The following CLPTM1 variants were observed in gnomAD, a reference collection of about 807,000 sequenced individuals.
CLPTM1 encodes putative lipid scramblase CLPTM1.
CLPTM1 carries 21 observed loss-of-function variants against 77.3 expected under a neutral mutation model. That is an observed-to-expected ratio of 0.27 (90% CI 0.19 to 0.39). CLPTM1 has a LOEUF of 0.39. Among genes scored for constraint, CLPTM1 ranks in the 10% least tolerant of loss-of-function variants. The probability of loss-of-function intolerance (pLI) is 1.00; values close to 1 mark genes in which losing one functional copy is unlikely to be tolerated. For missense variants in CLPTM1, 642 were observed against 921.2 expected (o/e 0.70, Z 3.92); for synonymous variants, 373 against 381.0 (o/e 0.98, Z 0.24).
chr19:44,965,587 G>A (rs1266866360), intron 2 of CLPTM1, among the ~76,000 whole-genome samples: 2 of 152,126 alleles, frequency 1.3e-5, no homozygotes, highest in East Asian at 3.9e-4. Context: ...GCCAAGGCAA[G>A]CAGATCACGA....
At chr19:44,964,629 G>T (rs532141179) in intron 2 of CLPTM1, among the ~76,000 whole-genome samples, 1 of 152,186 alleles carries the variant, frequency 6.6e-6, no homozygotes, top group South Asian at 2.1e-4. Context: ...CCATTTTTAA[G>T]TATGTAGTCC....
intron 1 of CLPTM1, among the ~76,000 whole-genome samples, chr19:44,956,885 T>G (rs549051772): frequency 6.6e-6 from 1 of 152,330 alleles, no homozygotes; most frequent in South Asian, 2.1e-4. Flanking sequence ...ATCCGACACT[T>G]TTCTTCAGAC....
At position 44,959,923 on chromosome 19, in the gene CLPTM1, A is replaced by G. The variant is rs78404081; in HGVS notation, c.73-2040A>G. 2.6e-3 allele frequency among the ~76,000 whole-genome samples: 395 copies of G among 152,298 alleles called. 4 individuals carry two copies. The East Asian group carries it at 0.028, about 11-fold the overall frequency. ...CCTTTCCGTGGGAAGGTTCCCAGCC[A>G]GATTGCCCATCACTAACGGGTAAGC... On this transcript the variant is annotated intron_variant, in intron 1 of 13. Transcript: ENST00000337392.
chr19:44,955,570 C>T (rs1970449560), intron 1 of CLPTM1, 103 bp downstream of exon 1: 1 of 1,126,036 alleles, frequency 8.9e-7, no homozygotes, highest in Non-Finnish European at 1.1e-6. Flanking sequence ...ACTGGGGGCT[C>T]CTTGGCCAGA....
rs543501743 is a variant in CLPTM1 at position 44,990,660 on chromosome 19, G to A, written c.1323+75G>A. On this transcript the variant is annotated intron_variant, in intron 10 of 13. Transcript: ENST00000337392. The surrounding 1 kb of genome is among the most constrained non-coding windows in gnomAD (Gnocchi z 4.8). ...GGTAGTGTGGCCCAGCTGGACCCTG[G>A]AGCTGGCCCCCGGGGGATTCCCAGC... 2.9e-4 allele frequency: 441 copies of A among 1,522,258 alleles called. 2 individuals carry two copies. In the South Asian group the frequency reaches 3.3e-3, roughly 12 times the overall value. 94.3% of individuals were successfully genotyped at this position (1,522,258 alleles called of 1,614,324 possible).
Position 44,961,983 on chromosome 19 carries a change from C to T in CLPTM1, c.93C>T (p.Ile31=), listed in dbSNP as rs773035507. 15 of 1,606,996 alleles carry T rather than the reference C, an allele frequency of 9.3e-6. No homozygotes were observed. The highest frequency in any genetic ancestry group is 1.7e-4 in the Middle Eastern group (1 of 6,048). ...CACAGGTGACCAGCAATGGCAGCAT[C>T]GGGAGGGACCCGCCAGCGGAGACCC... The part of the protein sequence containing the change: ...SSGQVTSNGS[I]GRDPPAETQP... The change falls in exon 2 of 14, where the codon ATC becomes ATT. Residue 31 remains isoleucine (I), a synonymous_variant. Transcript: ENST00000337392.
intron 2 of CLPTM1, among the ~76,000 whole-genome samples, 188 bp from the exon 3 acceptor site, chr19:44,972,899 C>T (rs1970744079): frequency 6.6e-6 from 1 of 152,082 alleles, no homozygotes; most frequent in African/African-American, 2.4e-5. Context: ...GGGCTCCCTC[C>T]CCAGATGTGG....
At position 44,993,020 on chromosome 19, in the gene CLPTM1, C is replaced by A. The variant is rs1281123418; in HGVS notation, c.*123C>A. 8.0e-7 allele frequency: 1 copy of A among 1,256,180 alleles called. No individual in the cohort carries two copies. The highest frequency in any genetic ancestry group is 1.1e-6 in the Non-Finnish European group (1 of 888,068). 77.8% of individuals were successfully genotyped at this position (1,256,180 alleles called of 1,614,324 possible). A position where few individuals can be genotyped will look rare whatever the true frequency, so the allele number is the denominator to read the frequency against. ...TCAGGCCGGGGCGGTGGGAGGCCCG[C>A]CTCAGGTCAGGGCCCAGCGTGTGAT... On this transcript the variant is annotated 3_prime_UTR_variant, in exon 14 of 14. Transcript: ENST00000337392.
chr19:44,971,364 A>G (rs1970715349), intron 2 of CLPTM1, among the ~76,000 whole-genome samples: 1 of 152,080 alleles, frequency 6.6e-6, no homozygotes, highest in Non-Finnish European at 1.5e-5. Flanking sequence ...TTAGTGTATT[A>G]ATTTTATCAA....
chr19:44,971,012 G>T (rs1038626722), intron 2 of CLPTM1, among the ~76,000 whole-genome samples: 1 of 149,642 alleles, frequency 6.7e-6, no homozygotes, highest in Non-Finnish European at 1.5e-5. Context: ...TGTATTTTTA[G>T]TAGAGATGGG....
At chr19:44,958,223 C>T (rs947409521) in intron 1 of CLPTM1, among the ~76,000 whole-genome samples, 3 of 151,894 alleles carry the variant, frequency 2.0e-5, no homozygotes, top group Non-Finnish European at 4.4e-5. Flanking sequence ...TGCGAAGGCC[C>T]TAAAGTGGGA....
chr19:44,955,600 C>A, intron 1 of CLPTM1, 133 bp downstream of exon 1: 1 of 934,164 alleles, frequency 1.1e-6, no homozygotes, highest in Non-Finnish European at 1.4e-6. Context: ...AATACCCGGC[C>A]CAGGCAGGGC....
At position 44,974,588 on chromosome 19, in the gene CLPTM1, T is replaced by G. The variant is rs1271685356; in HGVS notation, c.459T>G (p.Asp153Glu). 6.2e-7 allele frequency: 1 copy of G among 1,613,994 alleles called. No individual in the cohort carries two copies. The highest frequency in any genetic ancestry group is 2.2e-5 in the East Asian group (1 of 44,864). The change falls in exon 4 of 14, where the codon GAT becomes GAG. Residue 153 changes from aspartate (D) to glutamate (E), a missense_variant. Coordinates refer to ENST00000337392, the MANE Select transcript of CLPTM1 (RefSeq NM_001294.4). ...GCTACGAGCACTTTGCTGAGCTCGA[T>G]ATCCCACAGGTGGGGGCAGCTCTCG... ...DGCYEHFAEL[D>E]IPQSVQQNGS...
At chr19:44,972,068 A>C (rs965655468) in intron 2 of CLPTM1, among the ~76,000 whole-genome samples, 1 of 151,270 alleles carries the variant, frequency 6.6e-6, no homozygotes, top group Non-Finnish European at 1.5e-5. Context: ...ACAGGGTTTC[A>C]CCATGTTGGC....
Position 44,991,314 on chromosome 19 carries a change from A to T in CLPTM1, c.1496A>T (p.Glu499Val). Residue 499 changes from glutamate (E) to valine (V), a missense_variant, in exon 12 of 14, where the codon GAG becomes GTG. By Grantham distance (121) the Glu-to-Val change is moderately radical. This residue lies in a region of CLPTM1 where 521 missense variants were observed against 800.4 expected (regional missense o/e 0.65). Coordinates refer to ENST00000337392, the MANE Select transcript of CLPTM1 (RefSeq NM_001294.4). This position sits in a 1 kb window ranked among gnomAD's most constrained non-coding sequence, Gnocchi z 5.4. ...GCCGTCTACAGTCTTCTGTACCTGG[A>T]GCACAAGGGCTGGTACTCCTGGGTG... is the stretch of plus-strand genomic sequence containing the variant. ...CYAVYSLLYL[E>V]HKGWYSWVLS... The T allele has an allele frequency of 6.2e-7, 1 of 1,613,974 alleles. No homozygotes were observed. The highest frequency in any genetic ancestry group is 8.5e-7 in the Non-Finnish European group (1 of 1,179,952).
intron 3 of CLPTM1, among the ~76,000 whole-genome samples, chr19:44,973,761 G>GTTTTTT (rs71173113): frequency 0.26 from 15,817 of 60,234 alleles, 1,457 homozygotes; most frequent in Non-Finnish European, 0.3. Flanking sequence ...GTCACAGTGG[G>GTTTTTT]TTTTTTTTTT....
rs1752221689 is a variant in CLPTM1, at chr19:44,986,306, T to A, written c.673-149T>A. 16 of 1,037,344 alleles carry A rather than the reference T, an allele frequency of 1.5e-5. No homozygotes were observed. In the South Asian group the frequency reaches 2.5e-4, roughly 16 times the overall value. The allele number at this position is 1,037,344 out of a possible 1,614,324, so 64.3% of individuals were successfully genotyped here. A position where few individuals can be genotyped will look rare whatever the true frequency, so the allele number is the denominator to read the frequency against. On this transcript the variant is annotated intron_variant, in intron 6 of 13. Coordinates refer to ENST00000337392, the MANE Select transcript of CLPTM1 (RefSeq NM_001294.4). ...CTTGAGCCCAGAATTCGAGACCAGC[T>A]TGGGCAGCATAGTGAGACCCCATCT...
chr19:44,989,008 C>T (rs754170390), intron 9 of CLPTM1, among the ~76,000 whole-genome samples: 3 of 152,170 alleles, frequency 2.0e-5, no homozygotes, highest in African/African-American at 4.8e-5. Flanking sequence ...AAGCGAGATT[C>T]GTTTCTACAC....
intron 5 of CLPTM1, among the ~76,000 whole-genome samples, chr19:44,978,502 G>A (rs557618677): frequency 1.3e-5 from 2 of 152,170 alleles, no homozygotes; most frequent in Non-Finnish European, 2.9e-5. Flanking sequence ...GTATGGTGGT[G>A]AGCACCTGTG....
Sources: allele counts gnomAD v4.1 joint callset (sites outside exome capture counted in the v4.1 genomes callset), GRCh38; gene constraint gnomAD v4.1.1; regional missense constraint gnomAD v4.1.1; non-coding constraint Gnocchi (gnomAD v3.1); transcripts MANE v1.5; gene names NCBI Gene and HGNC (gene_info 2026-07-23, HGNC 2026-07-21).